Variants in BCL7A observed in about 807,000 individuals in gnomAD.
The protein encoded by BCL7A is B-cell CLL/lymphoma 7 protein family member A.
Under a neutral mutation model 28.4 loss-of-function variants are expected in BCL7A, and 11 were observed. The observed-to-expected ratio is 0.39, with a 90% confidence interval of 0.24 to 0.64. The LOEUF is 0.64. Ranked by LOEUF, BCL7A falls within the 30% of genes least tolerant of loss-of-function variation. BCL7A has a pLI of 0.50. For missense variants in BCL7A, 222 were observed against 274.8 expected (o/e 0.81, Z 1.36); for synonymous variants, 123 against 103.3 (o/e 1.19, Z -1.15).
intron 3 of BCL7A, among the ~76,000 whole-genome samples, chr12:122,037,523 G>A (rs917008399): frequency 1.3e-5 from 2 of 152,260 alleles, no homozygotes; most frequent in East Asian, 1.9e-4. Flanking sequence ...GTTTCTGAAC[G>A]GGCTTTAGAA....
In BCL7A at chr12:122,059,168, T is replaced by C; in HGVS notation, c.*5T>C. The C allele has an allele frequency of 6.2e-7, 1 of 1,608,184 alleles. No individual in the cohort carries two copies. The highest frequency in any genetic ancestry group is 8.5e-7 in the Non-Finnish European group (1 of 1,174,598). ...CAAAACTCCGAAGAGATGTAGACGA[T>C]GCTTTAAAGCCTCCGATCCATGTTC... On this transcript the variant is annotated 3_prime_UTR_variant, in exon 6 of 6. Transcript: ENST00000261822. The surrounding 1 kb of genome is among the most constrained non-coding windows in gnomAD (Gnocchi z 4.0).
At chr12:122,022,949 T>G (rs1883504237) in intron 1 of BCL7A, among the ~76,000 whole-genome samples, 2 of 152,200 alleles carry the variant, frequency 1.3e-5, no homozygotes, top group South Asian at 4.2e-4. Context: ...AAGCCGTTCG[T>G]CCTGGGCCGC....
intron 1 of BCL7A, 64 bp from the exon 2 acceptor site, chr12:122,030,636 G>C (rs1458639151): frequency 6.9e-7 from 1 of 1,448,878 alleles, no homozygotes; most frequent in Non-Finnish European, 9.7e-7. Context: ...CCCCAAGGGA[G>C]TGTGGCCTGT....
At chr12:122,024,066 C>T (rs535818476) in intron 1 of BCL7A, among the ~76,000 whole-genome samples, 1 of 152,264 alleles carries the variant, frequency 6.6e-6, no homozygotes, top group African/African-American at 2.4e-5. Flanking sequence ...ATGGGGCTTC[C>T]CACCCCGCGG....
intron 3 of BCL7A, among the ~76,000 whole-genome samples, chr12:122,042,698 C>G (rs1443436798): frequency 2.0e-5 from 3 of 151,860 alleles, no homozygotes; most frequent in Non-Finnish European, 2.9e-5. Flanking sequence ...TGACAGTGGC[C>G]GGCAGCCTGC....
Position 122,054,934 on chromosome 12 carries a change from G to A in BCL7A, c.561+8G>A, listed in dbSNP as rs377104621. 2.5e-6 allele frequency: 4 copies of A among 1,614,182 alleles called. No homozygotes were observed. Among genetic ancestry groups the A allele is most frequent in the East Asian group, 2.2e-5 (1 of 44,888 alleles). On this transcript the variant is annotated splice_region_variant and intron_variant, in intron 5 of 5. Coordinates refer to ENST00000261822, the MANE Select transcript of BCL7A (RefSeq NM_001024808.3). ...ACGTCTGCAATCTCTCAGGTACCTCGCTCGAGGTCTCAGAGGGGCAGCCAG... is the reference window on the plus strand; with the variant it reads ...ACGTCTGCAATCTCTCAGGTACCTCACTCGAGGTCTCAGAGGGGCAGCCAG...
At chr12:122,049,175 A>G (rs1373712106) in intron 4 of BCL7A, among the ~76,000 whole-genome samples, 2 of 144,560 alleles carry the variant, frequency 1.4e-5, no homozygotes, top group East Asian at 4.1e-4. Flanking sequence ...TGCAGTGAGC[A>G]TGGTCCTCCC....
chr12:122,044,228 GC>G, intron 4 of BCL7A, 175 bp downstream of exon 4: 2 of 741,188 alleles, frequency 2.7e-6, no homozygotes, highest in Non-Finnish European at 4.2e-6. Context: ...AATCAGACAG[GC>G]CAGGTGCAGT....
At chr12:122,047,050 T>C (rs911173956) in intron 4 of BCL7A, among the ~76,000 whole-genome samples, 2 of 151,818 alleles carry the variant, frequency 1.3e-5, no homozygotes, top group Non-Finnish European at 2.9e-5. Flanking sequence ...TTTACAGGCG[T>C]GCACCACCAC....
chr12:122,025,137 G>T (rs952421513), intron 1 of BCL7A, among the ~76,000 whole-genome samples: 13 of 152,118 alleles, frequency 8.5e-5, no homozygotes, highest in Non-Finnish European at 4.4e-5. Flanking sequence ...CAGGGTTTGG[G>T]GGCCCTGTGC....
chr12:122,048,967 G>A (rs1884131328), intron 4 of BCL7A, among the ~76,000 whole-genome samples: 1 of 147,870 alleles, frequency 6.8e-6, no homozygotes, highest in South Asian at 2.1e-4. Flanking sequence ...GTTTTAGTGA[G>A]CCGAGATCAT....
At chr12:122,033,260 T>G (rs1883780065) in intron 2 of BCL7A, among the ~76,000 whole-genome samples, 1 of 152,006 alleles carries the variant, frequency 6.6e-6, no homozygotes, top group African/African-American at 2.4e-5. Flanking sequence ...CTCTGCCTCC[T>G]GAGTAGCTGA....
At chr12:122,043,750 C>A (rs1375635773) in intron 3 of BCL7A, 136 bp from the exon 4 acceptor site, 31 of 769,852 alleles carry the variant, frequency 4.0e-5, no homozygotes, top group Non-Finnish European at 5.1e-5. Flanking sequence ...AAAAAAAAAA[C>A]GGTAACCAGA....
Position 122,021,953 on chromosome 12 carries a change from T to TGTGTGAGTGTGTGC in BCL7A, c.-131_-118dup. The TGTGTGAGTGTGTGC allele has an allele frequency of 1.7e-6, 1 of 596,258 alleles. No homozygotes were observed. Among genetic ancestry groups the TGTGTGAGTGTGTGC allele is most frequent in the Non-Finnish European group, 3.0e-6 (1 of 334,306 alleles). The allele number at this position is 596,258 out of a possible 1,614,324, so 36.9% of individuals were successfully genotyped here. A position where few individuals can be genotyped will look rare whatever the true frequency, so the allele number is the denominator to read the frequency against. ...GTATGTGTGTGTGTGTGTGTGTGTGTGTGTGAGTGTGTGCGTGTGAGAGTG... is the reference window on the plus strand; with the variant it reads ...GTATGTGTGTGTGTGTGTGTGTGTGTGTGTGAGTGTGTGCGTGTGAGTGTGTGCGTGTGAGAGTG... On this transcript the variant is annotated 5_prime_UTR_variant, in exon 1 of 6. Coordinates refer to ENST00000261822, the MANE Select transcript of BCL7A (RefSeq NM_001024808.3).
intron 1 of BCL7A, among the ~76,000 whole-genome samples, chr12:122,023,862 A>T (rs1883541859): frequency 6.6e-6 from 1 of 152,292 alleles, no homozygotes; most frequent in South Asian, 2.1e-4. Context: ...GCAAAGAAAG[A>T]ACTGGTGTCT....
chr12:122,024,246 T>A (rs562185899), intron 1 of BCL7A, among the ~76,000 whole-genome samples: 1 of 152,330 alleles, frequency 6.6e-6, no homozygotes, highest in South Asian at 2.1e-4. Flanking sequence ...CAGCTTCCAG[T>A]TCACTTCGTT....
intron 1 of BCL7A, among the ~76,000 whole-genome samples, chr12:122,028,153 C>T (rs1470143527): frequency 6.6e-6 from 1 of 152,164 alleles, no homozygotes; most frequent in Non-Finnish European, 1.5e-5. Context: ...TGCCTCTGTC[C>T]CAGAGTCCCC....
chr12:122,038,443 A>C (rs1467950494), intron 3 of BCL7A, among the ~76,000 whole-genome samples: 1 of 150,444 alleles, frequency 6.6e-6, no homozygotes, highest in South Asian at 2.1e-4. Flanking sequence ...AAAAAAAAAA[A>C]AAAAAAAAAA....
chr12:122,026,611 C>G (rs564977642), intron 1 of BCL7A, among the ~76,000 whole-genome samples: 1 of 152,370 alleles, frequency 6.6e-6, no homozygotes, highest in Non-Finnish European at 1.5e-5. Context: ...ACCTCAGCTC[C>G]TCCAGAGGTT....
Sources: allele counts gnomAD v4.1 joint callset (sites outside exome capture counted in the v4.1 genomes callset), GRCh38; gene constraint gnomAD v4.1.1; non-coding constraint Gnocchi (gnomAD v3.1); transcripts MANE v1.5; gene names NCBI Gene and HGNC (gene_info 2026-07-23, HGNC 2026-07-21).